Variants in GRID2 observed in about 807,000 individuals in gnomAD.
GRID2 encodes the protein glutamate receptor ionotropic, delta-2.
Under a neutral mutation model 114.8 loss-of-function variants are expected in GRID2, and 33 were observed. The observed-to-expected ratio is 0.29, with a 90% CI of 0.22 to 0.38. The LOEUF (loss-of-function observed/expected upper bound fraction) is 0.38. Ranked by LOEUF, GRID2 falls within the 10% of genes least tolerant of loss-of-function variation. The probability of loss-of-function intolerance (pLI) is 1.00; values close to 1 mark genes in which losing one functional copy is unlikely to be tolerated. For synonymous variants in GRID2, 505 were observed against 449.9 expected (o/e 1.12, Z -1.55); for missense variants, 1,184 against 1,257.7 (o/e 0.94, Z 0.89).
At chr4:92,974,673 A>G (rs1382713121) in intron 2 of GRID2, among the ~76,000 whole-genome samples, 1 of 150,988 alleles carries the variant, frequency 6.6e-6, no homozygotes, top group Admixed American at 6.6e-5. Flanking sequence ...ATCACACACC[A>G]GAACGTGTCG....
At chr4:92,935,726 T>C (rs1206154963) in intron 2 of GRID2, among the ~76,000 whole-genome samples, 1 of 146,766 alleles carries the variant, frequency 6.8e-6, no homozygotes, top group African/African-American at 2.4e-5. Flanking sequence ...TGAGTTCATG[T>C]CCTTTGTAGG....
intron 14 of GRID2, among the ~76,000 whole-genome samples, chr4:93,658,958 A>G (rs1323086891): frequency 6.6e-6 from 1 of 152,058 alleles, no homozygotes; most frequent in Non-Finnish European, 1.5e-5. Flanking sequence ...TTTTCTCCAC[A>G]CTTCTGGGGA....
chr4:92,653,007 C>CAT (rs1258703817), intron 2 of GRID2, among the ~76,000 whole-genome samples: 1 of 121,598 alleles, frequency 8.2e-6, no homozygotes, highest in Non-Finnish European at 1.8e-5. Context: ...TATATAAATA[C>CAT]ATATATATAC....
chr4:93,753,450 C>T (rs543837475), intron 14 of GRID2, among the ~76,000 whole-genome samples: 2 of 152,242 alleles, frequency 1.3e-5, no homozygotes, highest in Admixed American at 6.5e-5. Context: ...CCCATTAACT[C>T]GTCATTTGTA....
intron 2 of GRID2, among the ~76,000 whole-genome samples, chr4:92,850,798 A>ACTTC (rs1743720077): frequency 6.6e-6 from 1 of 151,952 alleles, no homozygotes; most frequent in African/African-American, 2.4e-5. Context: ...AGAGCAATTT[A>ACTTC]CTTCCTTCAG....
At chr4:93,460,968 G>A (rs192337400) in intron 11 of GRID2, among the ~76,000 whole-genome samples, 36 of 152,228 alleles carry the variant, frequency 2.4e-4, no homozygotes, top group African/African-American at 7.2e-4. Flanking sequence ...TTGGCTTTCT[G>A]AATTCTTCCT....
intron 2 of GRID2, among the ~76,000 whole-genome samples, chr4:92,899,739 C>G (rs958304409): frequency 1.3e-5 from 2 of 152,126 alleles, no homozygotes; most frequent in Non-Finnish European, 2.9e-5. Flanking sequence ...TGGGTTTTTG[C>G]TTGTACCTAA....
rs144425865 is a variant in GRID2 at position 93,239,759 on chromosome 4, G to A, written c.1245+1269G>A. ...TCCCATATGCTTCTCTCTGATTACC[G>A]TCAGACCATCCTTGTCAATAGTGTA... On this transcript the variant is annotated intron_variant, in intron 8 of 15. Transcript: ENST00000282020. 6.6e-5 allele frequency among the ~76,000 whole-genome samples: 10 copies of A among 151,678 alleles called. No homozygotes were observed. The South Asian group carries it at 8.3e-4, about 13-fold the overall frequency.
chr4:92,610,261 G>A (rs1335879576), intron 2 of GRID2, among the ~76,000 whole-genome samples: 1 of 151,544 alleles, frequency 6.6e-6, no homozygotes, highest in Admixed American at 6.6e-5. Flanking sequence ...ATGCATTAGG[G>A]GATGACTGAG....
At chr4:93,048,481 G>T (rs557697757) in intron 2 of GRID2, among the ~76,000 whole-genome samples, 5 of 151,874 alleles carry the variant, frequency 3.3e-5, no homozygotes, top group African/African-American at 1.2e-4. Context: ...ACAAACTTCC[G>T]TCTGTGGCAA....
At chr4:93,360,494 TC>T (rs1169998935) in intron 8 of GRID2, among the ~76,000 whole-genome samples, 2 of 152,032 alleles carry the variant, frequency 1.3e-5, no homozygotes, top group African/African-American at 4.8e-5. Flanking sequence ...ATGTGAGATA[TC>T]CTTTTTAAAT....
intron 2 of GRID2, among the ~76,000 whole-genome samples, chr4:92,960,187 T>C (rs1469690785): frequency 6.6e-6 from 1 of 152,064 alleles, no homozygotes; most frequent in Admixed American, 6.6e-5. Flanking sequence ...GCCCAGAATG[T>C]GGTTTACCTT....
intron 9 of GRID2, among the ~76,000 whole-genome samples, chr4:93,397,924 T>C (rs1030919135): frequency 4.0e-5 from 6 of 151,660 alleles, no homozygotes; most frequent in African/African-American, 1.5e-4. Flanking sequence ...TGAGCCTCAG[T>C]TTGTTGAATC....
At chr4:93,388,453 T>A (rs1764538589) in intron 8 of GRID2, among the ~76,000 whole-genome samples, 1 of 152,148 alleles carries the variant, frequency 6.6e-6, no homozygotes, top group African/African-American at 2.4e-5. Context: ...TAAGCTTTAG[T>A]CAGTGCTTTA....
chr4:92,988,518 G>A (rs2149199218), intron 2 of GRID2, among the ~76,000 whole-genome samples: 1 of 152,212 alleles, frequency 6.6e-6, no homozygotes, highest in Non-Finnish European at 1.5e-5. Flanking sequence ...ATTAGAAACA[G>A]GTCACTAGAT....
At chr4:93,726,925 C>T (rs1729962503) in intron 14 of GRID2, among the ~76,000 whole-genome samples, 1 of 152,208 alleles carries the variant, frequency 6.6e-6, no homozygotes, top group Non-Finnish European at 1.5e-5. Flanking sequence ...ATCATGTCAT[C>T]TGCAAACAGG....
intron 13 of GRID2, among the ~76,000 whole-genome samples, chr4:93,541,265 G>A (rs554099411): frequency 2.9e-4 from 44 of 152,172 alleles, no homozygotes; most frequent in African/African-American, 6.3e-4. Flanking sequence ...TTCAAAGTGC[G>A]CAGAAATTTT....
chr4:93,068,693 C>CA (rs5860304), intron 2 of GRID2, among the ~76,000 whole-genome samples: 61,887 of 148,324 alleles, frequency 0.42, 12,973 homozygotes, highest in Admixed American at 0.53. Flanking sequence ...TTCCTATTTA[C>CA]AAAAAAAAAA....
intron 2 of GRID2, among the ~76,000 whole-genome samples, chr4:92,861,640 T>A (rs1485019153): frequency 6.6e-6 from 1 of 152,102 alleles, no homozygotes; most frequent in East Asian, 1.9e-4. Context: ...CTGGTCTGGC[T>A]TGGTTACTAC....
Sources: gnomAD v4.1 joint callset for allele counts (sites outside exome capture counted in the v4.1 genomes callset) on GRCh38, gnomAD v4.1.1 for gene constraint, MANE v1.5 for transcripts, NCBI Gene and HGNC (gene_info 2026-07-23, HGNC 2026-07-21) for gene names.